Variants in NRROS observed in about 807,000 individuals in gnomAD.
NRROS encodes negative regulator of reactive oxygen species.
In NRROS, 6 loss-of-function variants were observed where a neutral mutation model predicts 12.0. That is an observed-to-expected ratio of 0.50 (90% confidence interval 0.27 to 0.98). The LOEUF (loss-of-function observed/expected upper bound fraction) is 0.98. NRROS is among the 50% of genes least tolerant of loss of function. The pLI is 0.11. For missense variants in NRROS, 857 were observed against 888.2 expected (o/e 0.96, Z 0.45); for synonymous variants, 462 against 410.2 (o/e 1.13, Z -1.53).
At chr3:196,646,877 C>T (rs746427663) in intron 1 of NRROS, among the ~76,000 whole-genome samples, 132 of 152,184 alleles carry the variant, frequency 8.7e-4, no homozygotes, top group African/African-American at 3.0e-3. Flanking sequence ...TTCGCCGAGC[C>T]GCCGCGTGCC....
At chr3:196,649,426 C>T (rs566021719) in intron 1 of NRROS, among the ~76,000 whole-genome samples, 13 of 152,210 alleles carry the variant, frequency 8.5e-5, no homozygotes, top group Non-Finnish European at 1.6e-4. Context: ...CCTGTGCGCA[C>T]TCTGCCTCTG....
rs1737648938 is a variant in NRROS at position 196,660,588 on chromosome 3, C to T, written c.945C>T (p.Thr315=). The change falls in exon 3 of 3, where the codon ACC becomes ACT. Residue 315 remains threonine (T), a synonymous_variant. Coordinates refer to ENST00000328557, the MANE Select transcript of NRROS (RefSeq NM_198565.3). The surrounding 1 kb of genome is among the most constrained non-coding windows in gnomAD (Gnocchi z 7.7). ...LVDGNVTNIT[T]VSLWEEFSSS... ...ACGGCAACGTGACCAACATCACCAC[C>T]GTCAGCCTCTGGGAAGAATTCTCCT... is the stretch of plus-strand genomic sequence containing the variant. The T allele has an allele frequency of 1.2e-6, 2 of 1,614,202 alleles. No homozygotes were observed. The highest frequency in any genetic ancestry group is 8.5e-7 in the Non-Finnish European group (1 of 1,180,032).
chr3:196,648,019 C>G (rs1193092938), intron 1 of NRROS, among the ~76,000 whole-genome samples: 1 of 152,164 alleles, frequency 6.6e-6, no homozygotes, highest in African/African-American at 2.4e-5. Flanking sequence ...CCATTTTTAA[C>G]ATAACAAATG....
chr3:196,660,461 A>G lies in NRROS; in HGVS notation c.818A>G (p.Lys273Arg). The change falls in exon 3 of 3, where the codon AAG becomes AGG. Residue 273 changes from lysine (K) to arginine (R), a missense_variant. Physicochemically the swap from Lys to Arg is conservative, Grantham distance 26. Coordinates refer to ENST00000328557, the MANE Select transcript of NRROS (RefSeq NM_198565.3). This position sits in a 1 kb window ranked among gnomAD's most constrained non-coding sequence, Gnocchi z 7.7. Reference protein sequence around the residue: ...LFFPLLPQYSKLRTLLLRDNN... With the variant: ...LFFPLLPQYSRLRTLLLRDNN... ...TTCCCGCTGCTGCCCCAGTACAGCA[A>G]GTTGCGGACCCTCCTGCTGCGCGAC... 6.2e-7 allele frequency: 1 copy of G among 1,614,000 alleles called. No homozygotes were observed. Among genetic ancestry groups the G allele is most frequent in the Non-Finnish European group, 8.5e-7 (1 of 1,179,978 alleles).
At chr3:196,649,662 G>A (rs112720143) in intron 1 of NRROS, among the ~76,000 whole-genome samples, 3 of 151,932 alleles carry the variant, frequency 2.0e-5, no homozygotes, top group Non-Finnish European at 2.9e-5. Context: ...TAGTAGAGAC[G>A]GGGTTTCACT....
At chr3:196,653,046 G>A (rs531837860) in intron 1 of NRROS, among the ~76,000 whole-genome samples, 8 of 152,284 alleles carry the variant, frequency 5.3e-5, no homozygotes, top group African/African-American at 1.4e-4. Context: ...GGGCAGTGGT[G>A]GTGATCCCAG....
chr3:196,656,930 G>A (rs1737547059), intron 2 of NRROS, among the ~76,000 whole-genome samples: 1 of 152,158 alleles, frequency 6.6e-6, no homozygotes, highest in Non-Finnish European at 1.5e-5. Flanking sequence ...TTGGCCAGGT[G>A]CGGTGGCTCC....
At chr3:196,659,641 A>G in intron 2 of NRROS, 111 bp from the exon 3 acceptor site, 2 of 1,109,978 alleles carry the variant, frequency 1.8e-6, no homozygotes, top group South Asian at 1.6e-5. Context: ...GAACATCTCT[A>G]GAGCCATCCC....
In NRROS at chr3:196,657,448, G is replaced by A. The variant is rs150899606; in HGVS notation, c.109-2304G>A. On this transcript the variant is annotated intron_variant, in intron 2 of 2. Transcript: ENST00000328557. ...CATAAAGACACACACCTGGCCGGGCGCGGTGGCTCACACCTGTAATCCCAG... is the reference window on the plus strand; with the variant it reads ...CATAAAGACACACACCTGGCCGGGCACGGTGGCTCACACCTGTAATCCCAG... 3.4e-3 allele frequency among the ~76,000 whole-genome samples: 524 copies of A among 151,996 alleles called. 3 individuals carry two copies. Among genetic ancestry groups the A allele is most frequent in the Admixed American group, 4.7e-3 (72 of 15,254 alleles).
At chr3:196,646,644 C>T (rs1260301597) in intron 1 of NRROS, among the ~76,000 whole-genome samples, 1 of 152,204 alleles carries the variant, frequency 6.6e-6, no homozygotes, top group Admixed American at 6.5e-5. Context: ...GTGCTCAAAG[C>T]GGGCTCCTCA....
intron 1 of NRROS, among the ~76,000 whole-genome samples, chr3:196,652,409 C>T (rs1212617955): frequency 6.6e-6 from 1 of 152,180 alleles, no homozygotes; most frequent in African/African-American, 2.4e-5. Flanking sequence ...TCATGCAACT[C>T]TGGAATAGTT....
chr3:196,640,628 A>C (rs1737188157), intron 1 of NRROS, among the ~76,000 whole-genome samples: 1 of 152,210 alleles, frequency 6.6e-6, no homozygotes, highest in Non-Finnish European at 1.5e-5. Flanking sequence ...TGGCCCCTGC[A>C]TGTGGGCCGG....
Position 196,643,073 on chromosome 3 carries a change from CAA to C in NRROS, c.-14+3214_-14+3215del, listed in dbSNP as rs10719005. On this transcript the variant is annotated intron_variant, in intron 1 of 2. Transcript: ENST00000328557. ...GAGCCACAAGAGCAAAATTCTGTCT[CAA>C]AAAAAAAAAAAAAAAGATAATCGCT... 7.7e-3 allele frequency among the ~76,000 whole-genome samples: 998 copies of C among 129,362 alleles called. 17 individuals carry two copies. The highest frequency in any genetic ancestry group is 0.023 in the African/African-American group (863 of 37,318). 84.9% of individuals were successfully genotyped at this position (129,362 alleles called of 152,430 possible).
At chr3:196,652,168 C>T (rs1166433276) in intron 1 of NRROS, among the ~76,000 whole-genome samples, 2 of 152,200 alleles carry the variant, frequency 1.3e-5, no homozygotes, top group African/African-American at 4.8e-5. Flanking sequence ...ATTGAACCTT[C>T]CTGCATATGT....
chr3:196,640,031 C>A (rs572513077), intron 1 of NRROS, among the ~76,000 whole-genome samples, 156 bp downstream of exon 1: 16 of 152,208 alleles, frequency 1.1e-4, no homozygotes, highest in Non-Finnish European at 2.1e-4. Context: ...CCAAGCGCCG[C>A]CGCTTTTGTG....
In NRROS at chr3:196,661,025, T is replaced by G; in HGVS notation, c.1382T>G (p.Met461Arg). 6.2e-7 allele frequency: 1 copy of G among 1,614,136 alleles called. No homozygotes were observed. Among genetic ancestry groups the G allele is most frequent in the Non-Finnish European group, 8.5e-7 (1 of 1,180,022 alleles). The stretch of plus-strand genomic sequence containing the variant: ...CCTAGCTGTGTGGATTTCAGGAATA[T>G]GGCATCTTTAAGGAGCCTGTCTCTG... The part of the protein sequence containing the change: ...GPPSCVDFRN[M>R]ASLRSLSLEG... The change falls in exon 3 of 3, where the codon ATG becomes AGG. Residue 461 changes from methionine to arginine, a missense_variant. Coordinates refer to ENST00000328557, the MANE Select transcript of NRROS (RefSeq NM_198565.3).
chr3:196,659,883 C>T lies in NRROS; in HGVS notation c.240C>T (p.Tyr80=), dbSNP rs1737624114. Residue 80 remains tyrosine, a synonymous_variant, in exon 3 of 3, where the codon TAC becomes TAT. Coordinates refer to ENST00000328557, the MANE Select transcript of NRROS (RefSeq NM_198565.3). ...KTLWNHSLQP[Y]PLLESLSLHS... ...TGTGGAATCACTCCCTCCAGCCTTACCCTCTCCTGGAGAGCCTCAGCCTGC... is the reference window on the plus strand; with the variant it reads ...TGTGGAATCACTCCCTCCAGCCTTATCCTCTCCTGGAGAGCCTCAGCCTGC... 1.2e-6 allele frequency: 2 copies of T among 1,614,134 alleles called. No individual in the cohort carries two copies. Among genetic ancestry groups the T allele is most frequent in the African/African-American group, 2.7e-5 (2 of 75,050 alleles).
chr3:196,654,468 C>T lies in NRROS; in HGVS notation c.-13-59C>T. The T allele has an allele frequency of 3.0e-6, 3 of 1,000,882 alleles. No individual in the cohort carries two copies. In the South Asian group the frequency reaches 3.8e-5, roughly 13 times the overall value. The allele number at this position is 1,000,882 out of a possible 1,614,324, so 62.0% of individuals were successfully genotyped here. A position where few individuals can be genotyped will look rare whatever the true frequency, so the allele number is the denominator to read the frequency against. On this transcript the variant is annotated intron_variant, in intron 1 of 2. Transcript: ENST00000328557. The surrounding 1 kb of genome is among the most constrained non-coding windows in gnomAD (Gnocchi z 4.4). ...GAACTGGCTCCTTCTGCCGATAATA[C>T]AAACAGCCCTCTGGGATGTCCTTCT... is the stretch of plus-strand genomic sequence containing the variant.
chr3:196,656,602 A>G (rs1372088531), intron 2 of NRROS, among the ~76,000 whole-genome samples: 2 of 152,226 alleles, frequency 1.3e-5, no homozygotes, highest in African/African-American at 2.4e-5. Flanking sequence ...TATCACTCAT[A>G]TTATTATTAA....
Sources: allele counts gnomAD v4.1 joint callset (sites outside exome capture counted in the v4.1 genomes callset), GRCh38; gene constraint gnomAD v4.1.1; non-coding constraint Gnocchi (gnomAD v3.1); transcripts MANE v1.5; gene names NCBI Gene and HGNC (gene_info 2026-07-23, HGNC 2026-07-21).